TBXAS1: variants seen among roughly 807,000 people sequenced by gnomAD.
TBXAS1 encodes thromboxane-A synthase.
Under a neutral mutation model 60.7 loss-of-function variants are expected in TBXAS1, and 48 were observed. The ratio of observed to expected loss-of-function variants is 0.79; its 90% CI spans 0.63 to 1.01. The LOEUF (loss-of-function observed/expected upper bound fraction) is 1.01, where lower values mean the gene tolerates loss of function less well. TBXAS1 is among the 50% of genes least tolerant of loss of function. The pLI, the probability that TBXAS1 is intolerant of heterozygous loss-of-function variation, is 0.00. For missense variants in TBXAS1, 685 were observed against 686.3 expected, an observed-to-expected ratio of 1.00 and a Z score of 0.02; for synonymous variants, 287 against 269.7, an observed-to-expected ratio of 1.06 and a Z score of -0.63.
rs1333219507 is a variant in TBXAS1 at position 139,778,795 on chromosome 7, CT to C, written c.-318+325del. 1.3e-4 allele frequency among the ~76,000 whole-genome samples: 20 copies of C among 152,204 alleles called. No individual in the cohort carries two copies. Among genetic ancestry groups the C allele is most frequent in the African/African-American group, 4.6e-4 (19 of 41,452 alleles). ...GCTTCCGCTAAACACTCTCCAGACT[CT>C]CCCCAGCCGGGAGCCTCTCCAGGTT... is the stretch of plus-strand genomic sequence containing the variant. On this transcript the variant is annotated intron_variant, in intron 1 of 16. Transcript: ENST00000336425. This position sits in a 1 kb window ranked among gnomAD's most constrained non-coding sequence, Gnocchi z 4.8.
intron 1 of TBXAS1, among the ~76,000 whole-genome samples, chr7:139,780,009 C>G (rs1796933554): frequency 6.6e-6 from 1 of 152,164 alleles, no homozygotes; most frequent in Non-Finnish European, 1.5e-5. Context: ...CAAAACAGCC[C>G]GAGATAGCGT....
intron 3 of TBXAS1, chr7:139,875,958 T>C (rs1802202190): frequency 7.2e-6 from 3 of 414,794 alleles, no homozygotes; most frequent in African/African-American, 6.1e-5. Context: ...TGGTGGCCTC[T>C]TTGCCTCAGA....
intron 1 of TBXAS1, among the ~76,000 whole-genome samples, chr7:139,843,760 A>G (rs773995000): frequency 6.6e-6 from 1 of 152,208 alleles, no homozygotes; most frequent in Non-Finnish European, 1.5e-5. Flanking sequence ...TGCTCAGTAA[A>G]TGCTAATGAT....
chr7:139,829,234 A>G (rs903098461), upstream of TBXAS1: 2 of 718,586 alleles, frequency 2.8e-6, no homozygotes, highest in East Asian at 2.7e-5. Flanking sequence ...ATAGGGAGAC[A>G]CTCTGAGAAA....
intron 10 of TBXAS1, among the ~76,000 whole-genome samples, chr7:140,008,637 C>G (rs569418952): frequency 6.6e-6 from 1 of 152,022 alleles, no homozygotes; most frequent in African/African-American, 2.4e-5. Context: ...TTAGTAGAGA[C>G]GGGGTTTCAC....
intron 7 of TBXAS1, 28 bp downstream of exon 7, chr7:139,955,635 G>A (rs758813272): frequency 6.2e-7 from 1 of 1,613,104 alleles, no homozygotes; most frequent in Non-Finnish European, 8.5e-7. Context: ...CCGGGGCGCT[G>A]CGATGACTCC....
At chr7:139,881,461 C>CCG (rs1569506939) in intron 3 of TBXAS1, among the ~76,000 whole-genome samples, 1 of 147,476 alleles carries the variant, frequency 6.8e-6, no homozygotes, top group African/African-American at 2.6e-5. Flanking sequence ...TTTTTCCCCC[C>CCG]CTCCAGGAGG....
At chr7:139,842,523 A>G (rs1799518226) in intron 1 of TBXAS1, among the ~76,000 whole-genome samples, 1 of 152,254 alleles carries the variant, frequency 6.6e-6, no homozygotes, top group Admixed American at 6.5e-5. Context: ...TTGCCGGAAT[A>G]ACATGCATCT....
At chr7:139,922,823 T>G (rs567077640) in intron 4 of TBXAS1, among the ~76,000 whole-genome samples, 8 of 152,328 alleles carry the variant, frequency 5.3e-5, no homozygotes, top group African/African-American at 1.9e-4. Context: ...CAAAGCTGAT[T>G]TTTTTTCTCT....
At position 139,957,690 on chromosome 7, in the gene TBXAS1, G is replaced by A. The variant is rs1277924431; in HGVS notation, c.745G>A (p.Asp249Asn). The A allele has an allele frequency of 1.2e-6, 2 of 1,614,088 alleles. No homozygotes were observed. The change falls in exon 8 of 13, where the codon GAC becomes AAC. Residue 249 changes from aspartate to asparagine, a missense_variant. Coordinates refer to ENST00000448866, the MANE Select transcript of TBXAS1 (RefSeq NM_001061.7). ...CCGGATTTTGCCCAATAAGAACCGA[G>A]ACGAACTGAATGGCTTTTTTAACAA... is the stretch of plus-strand genomic sequence containing the variant. Reference protein sequence around the residue: ...LARILPNKNRDELNGFFNKLI... With the variant: ...LARILPNKNRNELNGFFNKLI...
chr7:139,967,310 T>C (rs1158378442), intron 9 of TBXAS1, among the ~76,000 whole-genome samples: 2 of 152,254 alleles, frequency 1.3e-5, no homozygotes, highest in Non-Finnish European at 2.9e-5. Flanking sequence ...GCAATTCTGC[T>C]GCATGAGCAG....
At chr7:139,850,676 G>A (rs537859000) in intron 1 of TBXAS1, among the ~76,000 whole-genome samples, 4 of 152,282 alleles carry the variant, frequency 2.6e-5, no homozygotes, top group Admixed American at 6.5e-5. Flanking sequence ...ACTGGATGAC[G>A]GTGGTCCCTA....
chr7:139,875,746 GT>G (rs1489415979), intron 3 of TBXAS1, 109 bp downstream of exon 3: 2 of 1,360,034 alleles, frequency 1.5e-6, no homozygotes, highest in Non-Finnish European at 2.1e-6. Context: ...GATTAGGAAT[GT>G]TGTATGTGTT....
chr7:139,861,550 T>C (rs1012436039), intron 1 of TBXAS1, among the ~76,000 whole-genome samples: 3 of 152,038 alleles, frequency 2.0e-5, no homozygotes, highest in Non-Finnish European at 4.4e-5. Context: ...CCACTGTGCC[T>C]GGCCTGTTTA....
chr7:139,969,475 A>G (rs1033492154), intron 9 of TBXAS1, among the ~76,000 whole-genome samples: 11 of 150,962 alleles, frequency 7.3e-5, no homozygotes, highest in Non-Finnish European at 2.9e-5. Context: ...AAAAAAAAAA[A>G]AAAAAAAGCC....
At position 139,939,138 on chromosome 7, in the gene TBXAS1, G is replaced by A. The variant is rs1808059482; in HGVS notation, c.450+2831G>A. Among the ~76,000 whole-genome samples the A allele has an allele frequency of 2.0e-5, 3 of 152,210 alleles. No individual in the cohort carries two copies. In the South Asian group the frequency reaches 6.2e-4, roughly 32 times the overall value. The stretch of plus-strand genomic sequence containing the variant: ...CCAGCACTTTGGGAGGCCGAAGCGG[G>A]TGGATCACCTGAGGTCAGGAGTTCA... On this transcript the variant is annotated intron_variant, in intron 5 of 12. Transcript: ENST00000448866.
Position 140,018,102 on chromosome 7 carries a change from T to A in TBXAS1, c.1527+269T>A, listed in dbSNP as rs10242928. Among the ~76,000 whole-genome samples, 13,704 of 152,284 alleles carry A rather than the reference T, an allele frequency of 0.09. 672 individuals are homozygous for A. Among genetic ancestry groups the A allele is most frequent in the African/African-American group, 0.11 (4,489 of 41,554 alleles). ...CCTGGCAAGCCAACCCGAGCACGTG[T>A]TAACCATTGTTATTAGTATTGTTCT... On this transcript the variant is annotated intron_variant, in intron 12 of 12. Coordinates refer to ENST00000448866, the MANE Select transcript of TBXAS1 (RefSeq NM_001061.7).
chr7:139,869,977 A>C (rs1038074005), intron 1 of TBXAS1, among the ~76,000 whole-genome samples: 3 of 152,168 alleles, frequency 2.0e-5, no homozygotes, highest in Non-Finnish European at 4.4e-5. Context: ...TTTGGTGGCA[A>C]TGATCTCTCC....
In TBXAS1 at chr7:139,788,715, G is replaced by A. The variant is rs564382543; in HGVS notation, c.-80+1289G>A. ...GGATGTGTGGAGGAGAAGAGGAAAGGCTTAGGGCTGGGAATGAAAAATGCA... is the reference window on the plus strand; with the variant it reads ...GGATGTGTGGAGGAGAAGAGGAAAGACTTAGGGCTGGGAATGAAAAATGCA... On this transcript the variant is annotated intron_variant, in intron 4 of 16. Coordinates refer to the TBXAS1 transcript ENST00000336425. 2.0e-5 allele frequency among the ~76,000 whole-genome samples: 3 copies of A among 152,338 alleles called. No homozygotes were observed. The South Asian group carries it at 6.2e-4, about 32-fold the overall frequency.
Sources: allele counts gnomAD v4.1 joint callset (sites outside exome capture counted in the v4.1 genomes callset), GRCh38; gene constraint gnomAD v4.1.1; non-coding constraint Gnocchi (gnomAD v3.1); transcripts MANE v1.5; gene names NCBI Gene and HGNC (gene_info 2026-07-23, HGNC 2026-07-21).